The following NEO1 variants were observed in gnomAD, a reference collection of about 807,000 sequenced individuals.
NEO1 encodes the protein neogenin.
Under a neutral mutation model 159.7 loss-of-function variants are expected in NEO1, and 63 were observed. The ratio of observed to expected loss-of-function variants is 0.39; its 90% CI spans 0.32 to 0.49. The LOEUF (loss-of-function observed/expected upper bound fraction) is 0.49. NEO1 is among the 20% of genes least tolerant of loss of function. The pLI is 0.85. For missense variants in NEO1, 1,615 were observed against 1,831.0 expected, an observed-to-expected ratio of 0.88 and a Z score of 2.15; for synonymous variants, 633 against 662.0, an observed-to-expected ratio of 0.96 and a Z score of 0.67.
intron 1 of NEO1, among the ~76,000 whole-genome samples, chr15:73,103,529 C>T (rs1426799489): frequency 6.6e-6 from 1 of 152,186 alleles, no homozygotes; most frequent in Non-Finnish European, 1.5e-5. Context: ...AGATTCTCTT[C>T]ATGTACGTAT....
chr15:73,186,918 C>T (rs1247474700), intron 7 of NEO1, among the ~76,000 whole-genome samples: 1 of 152,098 alleles, frequency 6.6e-6, no homozygotes, highest in Non-Finnish European at 1.5e-5. Flanking sequence ...TTGGCTGCTC[C>T]GGTGAAACTT....
intron 1 of NEO1, among the ~76,000 whole-genome samples, chr15:73,090,431 T>A (rs1464997297): frequency 6.6e-6 from 1 of 152,148 alleles, no homozygotes; most frequent in Non-Finnish European, 1.5e-5. Flanking sequence ...AGACAGGAGT[T>A]AAAAATGTCT....
chr15:73,080,745 A>G (rs770072934), intron 1 of NEO1, among the ~76,000 whole-genome samples: 2 of 152,076 alleles, frequency 1.3e-5, no homozygotes, highest in Non-Finnish European at 2.9e-5. Context: ...TCTGAGTGTC[A>G]GGGGTCATCT....
intron 24 of NEO1, among the ~76,000 whole-genome samples, chr15:73,288,811 T>C (rs1399772653): frequency 6.6e-6 from 1 of 152,148 alleles, no homozygotes; most frequent in Admixed American, 6.5e-5. Context: ...ATTCAAGGAT[T>C]TGAGGCTAGC....
intron 11 of NEO1, among the ~76,000 whole-genome samples, chr15:73,251,423 G>A (rs999757993): frequency 6.6e-6 from 1 of 151,266 alleles, no homozygotes; most frequent in South Asian, 2.1e-4. Context: ...TGAGGTGGGA[G>A]GGTCACCTGA....
chr15:73,130,731 C>A (rs1446539766), intron 4 of NEO1, among the ~76,000 whole-genome samples: 1 of 152,176 alleles, frequency 6.6e-6, no homozygotes, highest in African/African-American at 2.4e-5. Flanking sequence ...TGGAGAGCCT[C>A]CACTTTCACC....
At chr15:73,271,117 C>T (rs192693181) in intron 18 of NEO1, among the ~76,000 whole-genome samples, 23 of 152,282 alleles carry the variant, frequency 1.5e-4, no homozygotes, top group African/African-American at 5.5e-4. Flanking sequence ...ACAAACTGGG[C>T]TTGGCCTCAG....
At chr15:73,136,263 G>T (rs1023002376) in intron 5 of NEO1, among the ~76,000 whole-genome samples, 71 of 151,994 alleles carry the variant, frequency 4.7e-4, no homozygotes, top group African/African-American at 1.7e-3. Flanking sequence ...GAAATAATAA[G>T]AATATTTACC....
intron 9 of NEO1, among the ~76,000 whole-genome samples, chr15:73,247,875 T>G (rs922461454): frequency 6.6e-6 from 1 of 152,164 alleles, no homozygotes; most frequent in Non-Finnish European, 1.5e-5. Flanking sequence ...TTGTAGGAGA[T>G]AGAGCCAGCT....
intron 1 of NEO1, among the ~76,000 whole-genome samples, chr15:73,083,648 A>G (rs2069193223): frequency 6.6e-6 from 1 of 152,154 alleles, no homozygotes; most frequent in African/African-American, 2.4e-5. Flanking sequence ...ATATGCATTA[A>G]ATACATAAAA....
At chr15:73,164,486 A>G (rs927515181) in intron 5 of NEO1, among the ~76,000 whole-genome samples, 2 of 152,268 alleles carry the variant, frequency 1.3e-5, no homozygotes, top group South Asian at 2.1e-4. Flanking sequence ...AAGTGCTGGA[A>G]TTACAGGCAT....
In NEO1 at chr15:73,060,376, G is replaced by C. The variant is rs547893482; in HGVS notation, c.130+7571G>C. On this transcript the variant is annotated intron_variant, in intron 1 of 28. Coordinates refer to ENST00000261908, the MANE Select transcript of NEO1 (RefSeq NM_002499.4). The stretch of plus-strand genomic sequence containing the variant: ...CCTCCCAGATTCAAGCCATTCTGCT[G>C]CCTCAGCCTCCCAAGTAGCTGGGAC... Among the ~76,000 whole-genome samples the C allele has an allele frequency of 3.5e-3, 531 of 152,150 alleles. 4 individuals carry two copies. Among genetic ancestry groups the C allele is most frequent in the Middle Eastern group, 0.01 (3 of 294 alleles).
intron 1 of NEO1, among the ~76,000 whole-genome samples, chr15:73,116,336 A>G (rs1044299517): frequency 6.6e-6 from 1 of 152,004 alleles, no homozygotes; most frequent in African/African-American, 2.4e-5. Flanking sequence ...TTTTTCCCCT[A>G]ATGTTCTTCT....
intron 5 of NEO1, among the ~76,000 whole-genome samples, chr15:73,140,009 C>T (rs1442156913): frequency 4.6e-5 from 7 of 152,204 alleles, no homozygotes; most frequent in Non-Finnish European, 7.3e-5. Flanking sequence ...AAGACTTGAA[C>T]ATCGACCTGG....
intron 18 of NEO1, 150 bp downstream of exon 18, chr15:73,270,604 A>G: frequency 3.5e-6 from 3 of 860,334 alleles, no homozygotes; most frequent in Non-Finnish European, 5.2e-6. Context: ...GTGTGTTTTT[A>G]ATTACTGAAC....
At chr15:73,170,310 G>C (rs983694666) in intron 5 of NEO1, among the ~76,000 whole-genome samples, 1 of 152,152 alleles carries the variant, frequency 6.6e-6, no homozygotes, top group Non-Finnish European at 1.5e-5. Flanking sequence ...GTGTCATTGA[G>C]AACAGATTTT....
intron 5 of NEO1, among the ~76,000 whole-genome samples, chr15:73,147,310 T>G (rs2151815129): frequency 6.6e-6 from 1 of 152,318 alleles, no homozygotes; most frequent in Non-Finnish European, 1.5e-5. Context: ...TTGATTTCTT[T>G]TTTGCCTTCT....
chr15:73,073,617 C>T (rs1802878990), intron 1 of NEO1, among the ~76,000 whole-genome samples: 1 of 151,894 alleles, frequency 6.6e-6, no homozygotes, highest in Admixed American at 6.6e-5. Context: ...TGCATTCGAC[C>T]CATTGTAGGA....
chr15:73,251,204 A>G (rs2150945369), intron 11 of NEO1, among the ~76,000 whole-genome samples: 1 of 152,278 alleles, frequency 6.6e-6, no homozygotes, highest in South Asian at 2.1e-4. Flanking sequence ...TGGGCTTGAC[A>G]GTTTTCAGGA....
Sources: allele counts gnomAD v4.1 joint callset (sites outside exome capture counted in the v4.1 genomes callset), GRCh38; gene constraint gnomAD v4.1.1; transcripts MANE v1.5; gene names NCBI Gene and HGNC (gene_info 2026-07-23, HGNC 2026-07-21).